The following MMAA variants were observed in gnomAD, a reference collection of about 807,000 sequenced individuals.
MMAA encodes the protein methylmalonic aciduria type A protein, mitochondrial.
In MMAA, 41 loss-of-function variants were observed where a neutral mutation model predicts 45.0. That is an observed-to-expected ratio of 0.91 (90% CI 0.71 to 1.18). The LOEUF (loss-of-function observed/expected upper bound fraction) is 1.18, where lower values mean the gene tolerates loss of function less well. Ranked by LOEUF, MMAA falls within the 50% of genes most tolerant of loss-of-function variation. The pLI is 0.00. For missense variants in MMAA, 460 were observed against 495.7 expected (o/e 0.93, Z 0.68); for synonymous variants, 154 against 178.2 (o/e 0.86, Z 1.08).
chr4:145,639,058 G>GT lies in MMAA; in HGVS notation c.-65-12dup, dbSNP rs1727700350. 2 of 1,307,814 alleles carry GT rather than the reference G, an allele frequency of 1.5e-6. No homozygotes were observed. Among genetic ancestry groups the GT allele is most frequent in the African/African-American group, 2.9e-5 (2 of 68,802 alleles). The allele number at this position is 1,307,814 out of a possible 1,614,324, so 81.0% of individuals were successfully genotyped here. A position where few individuals can be genotyped will look rare whatever the true frequency, so the allele number is the denominator to read the frequency against. On this transcript the variant is annotated splice_polypyrimidine_tract_variant and intron_variant, in intron 1 of 6. Transcript: ENST00000649156. ...AGTTATATATCGAACTGGCTAACAT[G>GT]TTTTTCTTTCTTCTAGGGAGGTCAC...
intron 1 of MMAA, among the ~76,000 whole-genome samples, chr4:145,628,871 A>G (rs528246027): frequency 6.6e-6 from 1 of 152,164 alleles, no homozygotes; most frequent in Non-Finnish European, 1.5e-5. Context: ...ATCAATATAT[A>G]TATAGTTATT....
At chr4:145,642,316 C>A in intron 2 of MMAA, 47 bp from the exon 3 acceptor site, 2 of 1,608,336 alleles carry the variant, frequency 1.2e-6, no homozygotes, top group South Asian at 2.2e-5. Context: ...GATCGTAGTT[C>A]TGATTTCATT....
At chr4:145,623,023 T>A (rs1446208123) in intron 1 of MMAA, among the ~76,000 whole-genome samples, 1 of 152,172 alleles carries the variant, frequency 6.6e-6, no homozygotes, top group Non-Finnish European at 1.5e-5. Context: ...TTTAAAAACA[T>A]TATAAATATA....
At chr4:145,644,871 C>T (rs1240022941) in intron 3 of MMAA, among the ~76,000 whole-genome samples, 1 of 152,226 alleles carries the variant, frequency 6.6e-6, no homozygotes, top group Non-Finnish European at 1.5e-5. Flanking sequence ...TATCTGGCCT[C>T]TACCCAGTAG....
At chr4:145,635,062 T>A (rs1727574459) in intron 1 of MMAA, among the ~76,000 whole-genome samples, 1 of 152,044 alleles carries the variant, frequency 6.6e-6, no homozygotes, top group South Asian at 2.1e-4. Context: ...CTCCAGCTGG[T>A]GTCTCACTGG....
At position 145,645,974 on chromosome 4, in the gene MMAA, T is replaced by C. The variant is rs199938583; in HGVS notation, c.563-12T>C. ...CTGTTCCATGATTATAAAATGTAACTGTATGTTTTAGGATCACTCTTAGGT... is the reference window on the plus strand; with the variant it reads ...CTGTTCCATGATTATAAAATGTAACCGTATGTTTTAGGATCACTCTTAGGT... On this transcript the variant is annotated splice_polypyrimidine_tract_variant and intron_variant, in intron 3 of 6. Transcript: ENST00000649156. The C allele has an allele frequency of 1.5e-5, 24 of 1,613,198 alleles. No individual in the cohort carries two copies. Among genetic ancestry groups the C allele is most frequent in the Non-Finnish European group, 1.8e-5 (21 of 1,179,386 alleles).
chr4:145,646,117 G>A lies in MMAA; in HGVS notation c.694G>A (p.Glu232Lys). ...CACAAATGAAGCTATTCTGTTGTGT[G>A]AAGGAGCGGGATATGACATAATTCT... ...RTTNEAILLC[E>K]GAGYDIILIE... The change falls in exon 4 of 7, where the codon GAA becomes AAA. Residue 232 changes from glutamate (E) to lysine (K), a missense_variant. Glu to Lys is a moderately conservative substitution (Grantham distance 56). Transcript: ENST00000649156. 6.2e-7 allele frequency: 1 copy of A among 1,614,106 alleles called. No homozygotes were observed. The highest frequency in any genetic ancestry group is 8.5e-7 in the Non-Finnish European group (1 of 1,179,968).
Position 145,639,237 on chromosome 4 carries a change from A to C in MMAA, c.98A>C (p.His33Pro). 6.2e-7 allele frequency: 1 copy of C among 1,614,162 alleles called. No individual in the cohort carries two copies. Among genetic ancestry groups the C allele is most frequent in the Non-Finnish European group, 8.5e-7 (1 of 1,180,016 alleles). The change falls in exon 2 of 7, where the codon CAT becomes CCT. Residue 33 changes from histidine to proline, a missense_variant. Coordinates refer to ENST00000649156, the MANE Select transcript of MMAA (RefSeq NM_172250.3). ...CYHFIFHSSTHLGSGIPCAQP... is the reference protein window; with the variant it reads ...CYHFIFHSSTPLGSGIPCAQP... ...CACTTCATCTTTCACTCAAGTACTC[A>C]TCTCGGATCAGGAATCCCATGTGCT...
rs115283757 is a variant in MMAA, at chr4:145,625,680, G to C, written c.-66+6273G>C. 617 of 1,422,200 alleles carry C rather than the reference G, an allele frequency of 4.3e-4. 3 individuals are homozygous for C. The African/African-American group carries it at 7.6e-3, about 17-fold the overall frequency. The allele number at this position is 1,422,200 out of a possible 1,614,324, so 88.1% of individuals were successfully genotyped here. A position where few individuals can be genotyped will look rare whatever the true frequency, so the allele number is the denominator to read the frequency against. ...ACTGCCCAGTCTCTCTAGGCACACAGAGACTTGATTGGCTAGATCTTTGTT... is the reference window on the plus strand; with the variant it reads ...ACTGCCCAGTCTCTCTAGGCACACACAGACTTGATTGGCTAGATCTTTGTT... On this transcript the variant is annotated intron_variant, in intron 1 of 6. Transcript: ENST00000649156.
chr4:145,624,135 G>T, intron 1 of MMAA: 2 of 1,127,726 alleles, frequency 1.8e-6, no homozygotes, highest in Non-Finnish European at 2.7e-6. Flanking sequence ...CAGCAGAAAG[G>T]CTGCTCAACT....
At chr4:145,639,895 T>G in intron 2 of MMAA, 2 of 880,540 alleles carry the variant, frequency 2.3e-6, no homozygotes, top group Non-Finnish European at 2.7e-6. Flanking sequence ...CTTTTAGTAG[T>G]CCTTCTGCTT....
chr4:145,644,431 T>C (rs1727873392), intron 3 of MMAA, among the ~76,000 whole-genome samples: 1 of 152,216 alleles, frequency 6.6e-6, no homozygotes, highest in South Asian at 2.1e-4. Flanking sequence ...AGCATATCTT[T>C]AAGAAACTTT....
At chr4:145,650,965 G>A in intron 4 of MMAA, 97 bp from the exon 5 acceptor site, 1 of 1,035,172 alleles carries the variant, frequency 9.7e-7, no homozygotes, top group Non-Finnish European at 1.5e-6. Flanking sequence ...GTGACCATGA[G>A]TATGAGTAAA....
At chr4:145,634,783 A>T (rs1161930934) in intron 1 of MMAA, among the ~76,000 whole-genome samples, 1 of 151,380 alleles carries the variant, frequency 6.6e-6, no homozygotes, top group Non-Finnish European at 1.5e-5. Context: ...GAATCCTGCC[A>T]GGACTGGCTC....
intron 3 of MMAA, among the ~76,000 whole-genome samples, chr4:145,645,475 C>G (rs999784046): frequency 6.6e-5 from 10 of 152,132 alleles, no homozygotes; most frequent in African/African-American, 2.2e-4. Flanking sequence ...TGTGATGTAG[C>G]TGAGGAAAGA....
chr4:145,652,774 C>T (rs1027815091), intron 5 of MMAA, among the ~76,000 whole-genome samples: 9 of 151,982 alleles, frequency 5.9e-5, no homozygotes, highest in African/African-American at 2.2e-4. Flanking sequence ...GCCCCAGGCA[C>T]CTCCCATGAA....
At chr4:145,623,198 G>A (rs150729797) in intron 1 of MMAA, among the ~76,000 whole-genome samples, 115 of 152,284 alleles carry the variant, frequency 7.6e-4, no homozygotes, top group African/African-American at 2.7e-3. Flanking sequence ...CAGGTATACT[G>A]TACTTACAGT....
intron 5 of MMAA, among the ~76,000 whole-genome samples, chr4:145,651,439 T>A (rs1444239281): frequency 6.6e-6 from 1 of 152,210 alleles, no homozygotes; most frequent in African/African-American, 2.4e-5. Flanking sequence ...GTTGCATAGA[T>A]GTTGTTAGTA....
intron 4 of MMAA, among the ~76,000 whole-genome samples, chr4:145,648,907 G>A (rs941721142): frequency 6.6e-6 from 1 of 152,052 alleles, no homozygotes; most frequent in South Asian, 2.1e-4. Flanking sequence ...GATCACCTGA[G>A]CCTGGGGAGT....
Sources: allele counts gnomAD v4.1 joint callset (sites outside exome capture counted in the v4.1 genomes callset), GRCh38; gene constraint gnomAD v4.1.1; transcripts MANE v1.5; gene names NCBI Gene and HGNC (gene_info 2026-07-23, HGNC 2026-07-21).